GTF2H4: variants seen among roughly 807,000 people sequenced by gnomAD.
GTF2H4 encodes the protein BTF2 p52.
GTF2H4 carries 49 observed loss-of-function variants against 62.2 expected under a neutral mutation model. The ratio of observed to expected loss-of-function variants is 0.79; its 90% CI spans 0.63 to 1.00. GTF2H4 has a LOEUF of 1.00. Among genes scored for constraint, GTF2H4 ranks in the 50% least tolerant of loss-of-function variants. GTF2H4 has a pLI of 0.00. For missense variants in GTF2H4, 479 were observed against 587.8 expected, an observed-to-expected ratio of 0.81 and a Z score of 1.91; for synonymous variants, 189 against 233.8, an observed-to-expected ratio of 0.81 and a Z score of 1.75.
At position 30,911,183 on chromosome 6, in the gene GTF2H4, A is replaced by G. The variant is rs771374538; in HGVS notation, c.586A>G (p.Ile196Val). The G allele has an allele frequency of 3.1e-6, 5 of 1,613,578 alleles. No individual in the cohort carries two copies. The highest frequency in any genetic ancestry group is 1.7e-6 in the Non-Finnish European group (2 of 1,179,952). ...KSTEPGEPPC[I>V]TSAGFQFLLL... ...TACTGAACCTGGAGAGCCGCCCTGCATTACTTCCGCTGGCTTCCAGTTCCT... is the reference window on the plus strand; with the variant it reads ...TACTGAACCTGGAGAGCCGCCCTGCGTTACTTCCGCTGGCTTCCAGTTCCT... The change falls in exon 7 of 14, where the codon ATT becomes GTT. Residue 196 changes from isoleucine to valine, a missense_variant. By Grantham distance (29) the Ile-to-Val change is conservative. Transcript: ENST00000259895. The surrounding 1 kb of genome is among the most constrained non-coding windows in gnomAD (Gnocchi z 4.3).
Position 30,911,945 on chromosome 6 carries a change from A to G in GTF2H4, c.826-69A>G, listed in dbSNP as rs1035348081. The G allele has an allele frequency of 6.4e-7, 1 of 1,573,650 alleles. No individual in the cohort carries two copies. Among genetic ancestry groups the G allele is most frequent in the East Asian group, 2.2e-5 (1 of 44,646 alleles). ...GGTTCTGCATCTTGGGAGGGATCTG[A>G]TATTTCAGGCAGGAAGATGTAAGGC... On this transcript the variant is annotated intron_variant, in intron 9 of 13. Coordinates refer to ENST00000259895, the MANE Select transcript of GTF2H4 (RefSeq NM_001517.5). This position sits in a 1 kb window ranked among gnomAD's most constrained non-coding sequence, Gnocchi z 4.3.
rs551521890 is a variant in GTF2H4 at position 30,912,955 on chromosome 6, C to G, written c.1090-155C>G. Among the ~76,000 whole-genome samples the G allele has an allele frequency of 6.6e-5, 10 of 152,188 alleles. No individual in the cohort carries two copies. The highest frequency in any genetic ancestry group is 2.4e-4 in the African/African-American group (10 of 41,524). ...TATCCCACGTTGCTGGGAGCAGCAA[C>G]GTGGGATAACAGCTGAACTGGGATG... On this transcript the variant is annotated intron_variant, in intron 11 of 13. Transcript: ENST00000259895. This position sits in a 1 kb window ranked among gnomAD's most constrained non-coding sequence, Gnocchi z 4.8.
rs3218827 is a variant in GTF2H4 at position 30,913,718 on chromosome 6, C to A, written c.1217-93C>A. The A allele has an allele frequency of 7.2e-6, 9 of 1,245,268 alleles. No individual in the cohort carries two copies. The East Asian group carries it at 1.3e-4, about 18-fold the overall frequency. 77.1% of individuals were successfully genotyped at this position (1,245,268 alleles called of 1,614,324 possible). A position where few individuals can be genotyped will look rare whatever the true frequency, so the allele number is the denominator to read the frequency against. ...GGGCAAGCCCAGACCGCGTCCAGGG[C>A]TGCCACCAAGGAGCTGGGGGGATTC... is the stretch of plus-strand genomic sequence containing the variant. On this transcript the variant is annotated intron_variant, in intron 13 of 13. Transcript: ENST00000259895. The surrounding 1 kb of genome is among the most constrained non-coding windows in gnomAD (Gnocchi z 4.2).
chr6:30,908,618 G>C (rs755675289), intron 1 of GTF2H4, among the ~76,000 whole-genome samples: 1 of 152,174 alleles, frequency 6.6e-6, no homozygotes. Context: ...GCAGAAGTGG[G>C]CTAAGAGATA....
Position 30,911,820 on chromosome 6 carries a change from C to T in GTF2H4, c.825+53C>T. Reference sequence around the variant, plus strand: ...AGGGAAGAAACAGGGTGGTGTGTTGCCTTTGCCTTTAAAAAGGAGTGGGGT... The same window carrying T: ...AGGGAAGAAACAGGGTGGTGTGTTGTCTTTGCCTTTAAAAAGGAGTGGGGT... On this transcript the variant is annotated intron_variant, in intron 9 of 13. Coordinates refer to ENST00000259895, the MANE Select transcript of GTF2H4 (RefSeq NM_001517.5). The surrounding 1 kb of genome is among the most constrained non-coding windows in gnomAD (Gnocchi z 4.3). The T allele has an allele frequency of 1.3e-6, 2 of 1,524,704 alleles. No homozygotes were observed. The highest frequency in any genetic ancestry group is 9.1e-7 in the Non-Finnish European group (1 of 1,101,066). The allele number at this position is 1,524,704 out of a possible 1,614,324, so 94.4% of individuals were successfully genotyped here.
At position 30,912,465 on chromosome 6, in the gene GTF2H4, C is replaced by T. The variant is rs1229749024; in HGVS notation, c.1089+7C>T. ...TGGCATCACAGCCCAGCAGGTATTCCCACTTGGGAGAGGTGGAGCAGGAAG... is the reference window on the plus strand; with the variant it reads ...TGGCATCACAGCCCAGCAGGTATTCTCACTTGGGAGAGGTGGAGCAGGAAG... On this transcript the variant is annotated splice_region_variant and intron_variant, in intron 11 of 13. Coordinates refer to ENST00000259895, the MANE Select transcript of GTF2H4 (RefSeq NM_001517.5). The surrounding 1 kb of genome is among the most constrained non-coding windows in gnomAD (Gnocchi z 4.8). The T allele has an allele frequency of 1.2e-6, 2 of 1,611,812 alleles. No individual in the cohort carries two copies. The highest frequency in any genetic ancestry group is 2.7e-5 in the African/African-American group (2 of 74,892).
chr6:30,910,775 AGT>A lies in GTF2H4; in HGVS notation c.471+23_471+24del. On this transcript the variant is annotated intron_variant, in intron 5 of 13. Transcript: ENST00000259895. This position sits in a 1 kb window ranked among gnomAD's most constrained non-coding sequence, Gnocchi z 4.7. ...GAGCGATGGGAGGTAAGCACTTGGG[AGT>A]GTGTGTGTCTCTGCTTGTGCTTCTA... 6.2e-7 allele frequency: 1 copy of A among 1,606,860 alleles called. No individual in the cohort carries two copies.
Position 30,912,456 on chromosome 6 carries a change from C to T in GTF2H4, c.1087C>T (p.Gln363Ter). The T allele has an allele frequency of 1.2e-6, 2 of 1,612,162 alleles. No individual in the cohort carries two copies. Among genetic ancestry groups the T allele is most frequent in the Non-Finnish European group, 1.7e-6 (2 of 1,179,980 alleles). The change falls in exon 11 of 14, where the codon CAG (glutamine) becomes TAG (stop). Residue 363 changes from glutamine to a stop codon, truncating the protein, a stop_gained and splice_region_variant. Coordinates refer to ENST00000259895, the MANE Select transcript of GTF2H4 (RefSeq NM_001517.5). LOFTEE classifies it high-confidence loss of function. This position sits in a 1 kb window ranked among gnomAD's most constrained non-coding sequence, Gnocchi z 4.8. ...AATCGCCAGTGGCATCACAGCCCAG[C>T]AGGTATTCCCACTTGGGAGAGGTGG... ...QAIASGITAQ[Q>*]IIHFLRTRAH...
rs764390768 is a variant in GTF2H4 at position 30,912,331 on chromosome 6, C to T, written c.962C>T (p.Ser321Leu). The change falls in exon 11 of 14, where the codon TCG (serine) becomes TTG (leucine). Residue 321 changes from serine to leucine, a missense_variant. By Grantham distance (145) the Ser-to-Leu change is moderately radical. Transcript: ENST00000259895. The surrounding 1 kb of genome is among the most constrained non-coding windows in gnomAD (Gnocchi z 4.8). ...TNYRLYAYTE[S>L]ELQIALIALF... Reference sequence around the variant, plus strand: ...CCTCTTTCTATCCCTGGCTCAGAGTCGGAGCTGCAGATTGCCCTCATTGCC... The same window carrying T: ...CCTCTTTCTATCCCTGGCTCAGAGTTGGAGCTGCAGATTGCCCTCATTGCC... 2.0e-5 allele frequency: 33 copies of T among 1,612,818 alleles called. No homozygotes were observed. Among genetic ancestry groups the T allele is most frequent in the South Asian group, 4.4e-5 (4 of 91,078 alleles).
Position 30,914,026 on chromosome 6 carries a change from C to A in GTF2H4, c.*43C>A, listed in dbSNP as rs1341431808. On this transcript the variant is annotated 3_prime_UTR_variant, in exon 14 of 14. Coordinates refer to ENST00000259895, the MANE Select transcript of GTF2H4 (RefSeq NM_001517.5). Reference sequence around the variant, plus strand: ...ACGGACCTCGGCGGGCGGGACTGGGCGGGGCGGGGCATCAGAACTCAGGTG... The same window carrying A: ...ACGGACCTCGGCGGGCGGGACTGGGAGGGGCGGGGCATCAGAACTCAGGTG... 1.5e-5 allele frequency: 9 copies of A among 608,052 alleles called. No homozygotes were observed. The highest frequency in any genetic ancestry group is 2.5e-5 in the Admixed American group (1 of 39,852). The allele number at this position is 608,052 out of a possible 1,614,324, so 37.7% of individuals were successfully genotyped here.
Position 30,913,053 on chromosome 6 carries a change from G to A in GTF2H4, c.1090-57G>A. 1.3e-6 allele frequency: 2 copies of A among 1,572,220 alleles called. No homozygotes were observed. Among genetic ancestry groups the A allele is most frequent in the Non-Finnish European group, 1.7e-6 (2 of 1,143,430 alleles). ...TCCAGTGACATTAGGTGACAGCTCA[G>A]ATGGCTTTCCTGCCTTCTTGCTGGA... On this transcript the variant is annotated intron_variant, in intron 11 of 13. Transcript: ENST00000259895. The surrounding 1 kb of genome is among the most constrained non-coding windows in gnomAD (Gnocchi z 4.2).
chr6:30,913,996 TGGACACGGACCTCGGCGGGCG>T lies in GTF2H4; in HGVS notation c.*18_*38del, dbSNP rs779140395. 1.3e-6 allele frequency: 2 copies of T among 1,560,808 alleles called. No individual in the cohort carries two copies. Among genetic ancestry groups the T allele is most frequent in the African/African-American group, 2.7e-5 (2 of 72,864 alleles). On this transcript the variant is annotated 3_prime_UTR_variant, in exon 14 of 14. Coordinates refer to ENST00000259895, the MANE Select transcript of GTF2H4 (RefSeq NM_001517.5). The surrounding 1 kb of genome is among the most constrained non-coding windows in gnomAD (Gnocchi z 4.2). The stretch of plus-strand genomic sequence containing the variant: ...ACATAGCTCCTGAGAGCGCGGGACT[TGGACACGGACCTCGGCGGGCG>T]GGACTGGGCGGGGCGGGGCATCAGA...
Position 30,913,159 on chromosome 6 carries a change from T to C in GTF2H4, c.1137+2T>C, listed in dbSNP as rs112247176. On this transcript the variant is annotated splice_donor_variant, in intron 12 of 13. Transcript: ENST00000259895. LOFTEE classifies it high-confidence loss of function. This position sits in a 1 kb window ranked among gnomAD's most constrained non-coding sequence, Gnocchi z 4.2. ...GCCCACCCAGTGATGCTCAAACAGG[T>C]ATAGACAGGCTCCAAGATGTCAGAG... The C allele has an allele frequency of 6.2e-7, 1 of 1,614,024 alleles. No individual in the cohort carries two copies. The highest frequency in any genetic ancestry group is 1.1e-5 in the South Asian group (1 of 91,076).
In GTF2H4 at chr6:30,913,242, G is replaced by A. The variant is rs1053238294; in HGVS notation, c.1138-67G>A. 5.0e-6 allele frequency: 8 copies of A among 1,612,080 alleles called. No homozygotes were observed. In the African/African-American group the frequency reaches 1.1e-4, roughly 22 times the overall value. On this transcript the variant is annotated intron_variant, in intron 12 of 13. Coordinates refer to ENST00000259895, the MANE Select transcript of GTF2H4 (RefSeq NM_001517.5). This position sits in a 1 kb window ranked among gnomAD's most constrained non-coding sequence, Gnocchi z 4.2. ...AAAAGGGGCATCCAAATCTGGGGAA[G>A]AAACAGAGGGCCGGGTTGTCTGGGG...
rs3218809 is a variant in GTF2H4, at chr6:30,908,414, C to T, written c.-4+11C>T. 14 of 158,150 alleles carry T rather than the reference C, an allele frequency of 8.9e-5. 1 individual carries two copies. In the South Asian group the frequency reaches 2.4e-3, roughly 27 times the overall value. The allele number at this position is 158,150 out of a possible 1,614,324, so 9.8% of individuals were successfully genotyped here. A position where few individuals can be genotyped will look rare whatever the true frequency, so the allele number is the denominator to read the frequency against. On this transcript the variant is annotated intron_variant, in intron 1 of 13. Coordinates refer to ENST00000259895, the MANE Select transcript of GTF2H4 (RefSeq NM_001517.5). ...AGGATCGACAGAGTGGTGAGGGGACCTAGGAGGGCGGGAGTGGCAGAGGTA... is the reference window on the plus strand; with the variant it reads ...AGGATCGACAGAGTGGTGAGGGGACTTAGGAGGGCGGGAGTGGCAGAGGTA...
In GTF2H4 at chr6:30,913,188, G is replaced by A. The variant is rs370523012; in HGVS notation, c.1137+31G>A. The A allele has an allele frequency of 1.2e-6, 2 of 1,613,960 alleles. No individual in the cohort carries two copies. The highest frequency in any genetic ancestry group is 1.7e-6 in the Non-Finnish European group (2 of 1,179,856). On this transcript the variant is annotated intron_variant, in intron 12 of 13. Coordinates refer to ENST00000259895, the MANE Select transcript of GTF2H4 (RefSeq NM_001517.5). This position sits in a 1 kb window ranked among gnomAD's most constrained non-coding sequence, Gnocchi z 4.2. ...GACAGGCTCCAAGATGTCAGAGGCT[G>A]GCAGCTGGTGATGACATGATGGAAA...
In GTF2H4 at chr6:30,910,973, C is replaced by A; in HGVS notation, c.560+32C>A. 1.3e-6 allele frequency: 2 copies of A among 1,528,390 alleles called. No homozygotes were observed. The highest frequency in any genetic ancestry group is 1.8e-6 in the Non-Finnish European group (2 of 1,115,746). 94.7% of individuals were successfully genotyped at this position (1,528,390 alleles called of 1,614,324 possible). ...AAGCCGGAGGTACAGCAGCTCTCTG[C>A]TGTGCCATCTCCTTGGGTCCCTAAG... On this transcript the variant is annotated intron_variant, in intron 6 of 13. Transcript: ENST00000259895. This position sits in a 1 kb window ranked among gnomAD's most constrained non-coding sequence, Gnocchi z 4.7.
chr6:30,911,386 C>G lies in GTF2H4; in HGVS notation c.673-45C>G, dbSNP rs746245922. On this transcript the variant is annotated intron_variant, in intron 7 of 13. Coordinates refer to ENST00000259895, the MANE Select transcript of GTF2H4 (RefSeq NM_001517.5). The surrounding 1 kb of genome is among the most constrained non-coding windows in gnomAD (Gnocchi z 4.3). ...TTCTCTGTCCCTTTCTTCCCATTGTCTCCCTCCCATCCCTCCTCCTTTGTC... is the reference window on the plus strand; with the variant it reads ...TTCTCTGTCCCTTTCTTCCCATTGTGTCCCTCCCATCCCTCCTCCTTTGTC... The G allele has an allele frequency of 6.4e-7, 1 of 1,567,866 alleles. No individual in the cohort carries two copies. Among genetic ancestry groups the G allele is most frequent in the Non-Finnish European group, 8.8e-7 (1 of 1,138,700 alleles).
Position 30,912,907 on chromosome 6 carries a change from G to A in GTF2H4, c.1090-203G>A, listed in dbSNP as rs182649766. On this transcript the variant is annotated intron_variant, in intron 11 of 13. Transcript: ENST00000259895. The surrounding 1 kb of genome is among the most constrained non-coding windows in gnomAD (Gnocchi z 4.8). ...AAGAAAAACAAAACATTACTGGAAAGGGCGAATGTGCCAGAAAAGGAATAT... is the reference window on the plus strand; with the variant it reads ...AAGAAAAACAAAACATTACTGGAAAAGGCGAATGTGCCAGAAAAGGAATAT... 2.0e-4 allele frequency among the ~76,000 whole-genome samples: 31 copies of A among 152,306 alleles called. 1 individual carries two copies. The East Asian group carries it at 6.0e-3, about 29-fold the overall frequency.
Sources: gnomAD v4.1 joint callset for allele counts (sites outside exome capture counted in the v4.1 genomes callset) on GRCh38, gnomAD v4.1.1 for gene constraint, Gnocchi (gnomAD v3.1) non-coding constraint, MANE v1.5 for transcripts, NCBI Gene and HGNC (gene_info 2026-07-23, HGNC 2026-07-21) for gene names.